The following KDM6A variants were observed in gnomAD, a reference collection of about 807,000 sequenced individuals.
The protein encoded by KDM6A is lysine-specific demethylase 6A.
A neutral mutation model predicts 117.6 loss-of-function variants in KDM6A; 11 were observed. That is an observed-to-expected ratio of 0.09 (90% CI 0.06 to 0.15). KDM6A has a LOEUF of 0.15. KDM6A is among the 10% of genes least tolerant of loss of function. The probability of loss-of-function intolerance (pLI) is 1.00; values close to 1 mark genes in which losing one functional copy is unlikely to be tolerated. For synonymous variants in KDM6A, 384 were observed against 396.1 expected, an observed-to-expected ratio of 0.97 and a Z score of 0.36; for missense variants, 799 against 1,077.3, an observed-to-expected ratio of 0.74 and a Z score of 3.62.
intron 5 of KDM6A, among the ~76,000 whole-genome samples, chrX:45,015,594 C>T (rs73200198): frequency 0.016 from 1,802 of 111,466 alleles, 18 homozygotes; most frequent in Non-Finnish European, 0.024. Flanking sequence ...CAACATAGAC[C>T]TAATGCATGG....
chrX:45,018,748 T>C (rs2042063446), intron 5 of KDM6A, among the ~76,000 whole-genome samples: 1 of 111,897 alleles, frequency 8.9e-6, no homozygotes, highest in Non-Finnish European at 1.9e-5. Context: ...TCTTTTTCTT[T>C]CATATCTTTG....
In KDM6A at chrX:45,070,233, G is replaced by A. The variant is rs751258182; in HGVS notation, c.2734G>A (p.Glu912Lys). Reference protein sequence around the residue: ...GLHTINGEGMEESQSPMKTDL... With the variant: ...GLHTINGEGMKESQSPMKTDL... ...ACACACAATTAATGGAGAAGGGATG[G>A]AAGAATCTCAGAGCCCCATGAAAAC... Residue 912 changes from glutamate to lysine, a missense_variant, in exon 18 of 30, where the codon GAA becomes AAA. Coordinates refer to ENST00000611820, the MANE Select transcript of KDM6A (RefSeq NM_001291415.2). The A allele has an allele frequency of 1.7e-6, 2 of 1,210,489 alleles. No individual in the cohort carries two copies. Among genetic ancestry groups the A allele is most frequent in the East Asian group, 5.9e-5 (2 of 33,821 alleles).
intron 16 of KDM6A, 40 bp downstream of exon 16, chrX:45,062,788 T>A (rs2044358156): frequency 2.2e-6 from 2 of 895,893 alleles, no homozygotes; most frequent in Non-Finnish European, 1.6e-6. Context: ...TGTTAGCATT[T>A]TGAGTATTTT....
intron 8 of KDM6A, among the ~76,000 whole-genome samples, chrX:45,047,372 CT>C (rs551917538): frequency 0.25 from 21,775 of 87,385 alleles, 4,115 homozygotes; most frequent in African/African-American, 0.63. Context: ...TAGATGCTTT[CT>C]TTTTTTTTTT....
chrX:44,984,756 T>G (rs1334465426), intron 4 of KDM6A, among the ~76,000 whole-genome samples: 8 of 111,523 alleles, frequency 7.2e-5, no homozygotes, highest in Non-Finnish European at 1.5e-4. Flanking sequence ...GCTCTGTTCT[T>G]TTCCATTGGT....
intron 6 of KDM6A, among the ~76,000 whole-genome samples, chrX:45,023,051 A>T (rs899436572): frequency 1.8e-5 from 2 of 112,410 alleles, no homozygotes; most frequent in Admixed American, 9.4e-5. Context: ...CTTGCATCTT[A>T]TTGGCCAGAA....
intron 5 of KDM6A, among the ~76,000 whole-genome samples, chrX:45,014,063 A>G (rs1318341436): frequency 1.8e-5 from 2 of 111,756 alleles, no homozygotes; most frequent in Admixed American, 9.5e-5. Context: ...GAATCTGCCT[A>G]TGATGTTTCA....
intron 4 of KDM6A, among the ~76,000 whole-genome samples, chrX:44,975,411 A>G (rs1220737517): frequency 9.1e-6 from 1 of 110,344 alleles, no homozygotes; most frequent in Non-Finnish European, 1.9e-5. Context: ...CCAGTCTTAT[A>G]TAGACTGGCT....
At chrX:45,010,886 G>C (rs774670146) in intron 4 of KDM6A, 75 bp from the exon 5 acceptor site, 3 of 757,879 alleles carry the variant, frequency 4.0e-6, no homozygotes, top group Non-Finnish European at 6.0e-6. Flanking sequence ...CTTGGATACC[G>C]TATTTTACAA....
chrX:45,105,331 C>T (rs2046487280), intron 27 of KDM6A, among the ~76,000 whole-genome samples: 1 of 111,898 alleles, frequency 8.9e-6, no homozygotes, highest in Non-Finnish European at 1.9e-5. Flanking sequence ...AGGAGGCTTA[C>T]TTGGCATAAT....
At chrX:45,086,800 C>T (rs1407265409) in intron 25 of KDM6A, among the ~76,000 whole-genome samples, 3 of 111,579 alleles carry the variant, frequency 2.7e-5, no homozygotes, top group Non-Finnish European at 3.8e-5. Context: ...GAAAGTACTT[C>T]ATTATATAAG....
chrX:44,992,206 CTTTTTTTTTTTTTTTTTT>C (rs779979560), intron 4 of KDM6A, among the ~76,000 whole-genome samples: 10 of 32,060 alleles, frequency 3.1e-4, no homozygotes, highest in East Asian at 2.2e-3. Flanking sequence ...CTGTCTTCTT[CTTTTTTTTTTTTTTTTTT>C]TTTTTTTTTT....
At chrX:45,038,356 C>T (rs775366367) in intron 8 of KDM6A, among the ~76,000 whole-genome samples, 15 of 111,441 alleles carry the variant, frequency 1.3e-4, no homozygotes, top group African/African-American at 4.2e-4. Flanking sequence ...TGTTGTAATG[C>T]GTTTTTTAAA....
chrX:45,049,429 C>A (rs1264595029), intron 8 of KDM6A, among the ~76,000 whole-genome samples: 2 of 111,890 alleles, frequency 1.8e-5, no homozygotes, highest in African/African-American at 6.5e-5. Flanking sequence ...TCTACATTTT[C>A]TTCTCTTAAC....
intron 27 of KDM6A, chrX:45,106,609 C>T (rs899825596): frequency 3.2e-5 from 11 of 340,948 alleles, no homozygotes; most frequent in Middle Eastern, 4.3e-4. Flanking sequence ...TCAACCTCTC[C>T]GTTCAAATGG....
At chrX:44,950,583 A>T (rs865887699) in intron 2 of KDM6A, among the ~76,000 whole-genome samples, 1 of 106,130 alleles carries the variant, frequency 9.4e-6, no homozygotes, top group African/African-American at 3.5e-5. Context: ...CCTGGGTGTG[A>T]GTGTGTGTGT....
chrX:44,946,974 C>T (rs907391445), intron 2 of KDM6A, among the ~76,000 whole-genome samples: 1 of 111,452 alleles, frequency 9.0e-6, no homozygotes, highest in Non-Finnish European at 1.9e-5. Context: ...ATTTTTCTGT[C>T]TTTTTTAAGT....
intron 8 of KDM6A, among the ~76,000 whole-genome samples, chrX:45,040,216 G>A (rs1394401218): frequency 1.0e-5 from 1 of 97,258 alleles, no homozygotes; most frequent in African/African-American, 3.8e-5. Context: ...AGGGGCGGCC[G>A]GGCAGAGGCG....
intron 2 of KDM6A, among the ~76,000 whole-genome samples, chrX:44,911,888 G>A (rs183970553): frequency 0.087 from 9,543 of 110,151 alleles, 429 homozygotes; most frequent in African/African-American, 0.17. Context: ...CCAGTCAGGC[G>A]TGGCGGCGCG....
Sources: allele counts gnomAD v4.1 joint callset (sites outside exome capture counted in the v4.1 genomes callset), GRCh38; gene constraint gnomAD v4.1.1; transcripts MANE v1.5; gene names NCBI Gene and HGNC (gene_info 2026-07-23, HGNC 2026-07-21).